SNIP1: variants seen among roughly 807,000 people sequenced by gnomAD.
The protein encoded by SNIP1 is Smad nuclear interacting protein 1.
A neutral mutation model predicts 37.4 loss-of-function variants in SNIP1; 23 were observed. The observed-to-expected ratio is 0.61, with a 90% CI of 0.44 to 0.87. SNIP1 has a LOEUF of 0.87. Among genes scored for constraint, SNIP1 ranks in the 40% least tolerant of loss-of-function variants. The probability of loss-of-function intolerance (pLI) is 0.00; values close to 1 mark genes in which losing one functional copy is unlikely to be tolerated. For missense variants in SNIP1, 459 were observed against 540.4 expected, an observed-to-expected ratio of 0.85 and a Z score of 1.49; for synonymous variants, 174 against 200.0, an observed-to-expected ratio of 0.87 and a Z score of 1.10.
chr1:37,543,261 A>G (rs1643194050), intron 2 of SNIP1, among the ~76,000 whole-genome samples: 1 of 152,220 alleles, frequency 6.6e-6, no homozygotes, highest in Non-Finnish European at 1.5e-5. Flanking sequence ...ATAAACTAGC[A>G]TAGCCTATTT....
chr1:37,540,589 C>A lies in SNIP1; in HGVS notation c.494G>T (p.Arg165Leu). 6.2e-7 allele frequency: 1 copy of A among 1,614,090 alleles called. No homozygotes were observed. Among genetic ancestry groups the A allele is most frequent in the Non-Finnish European group, 8.5e-7 (1 of 1,180,012 alleles). ...CTGCAGGTTCTGAGTGTCTCGATCC[C>A]GTCCCTGACCCTGCCCACTCCCAGG... ...ERPGSGQGQG[R>L]DRDTQNLQAQ... Residue 165 changes from arginine to leucine, a missense_variant, in exon 3 of 4, where the codon CGG (arginine) becomes CTG (leucine). Arg to Leu is a moderately radical substitution (Grantham distance 102). Coordinates refer to ENST00000296215, the MANE Select transcript of SNIP1 (RefSeq NM_024700.4). The surrounding 1 kb of genome is among the most constrained non-coding windows in gnomAD (Gnocchi z 5.6).
chr1:37,537,346 C>T lies in SNIP1; in HGVS notation c.*402G>A. On this transcript the variant is annotated 3_prime_UTR_variant, in exon 4 of 4. Transcript: ENST00000296215. ...CGCCCCAAAAGAAAAACACCTGGTC[C>T]ACAAAGCTTAACACCTATATAAATA... 6.2e-6 allele frequency: 1 copy of T among 162,468 alleles called. No individual in the cohort carries two copies. The highest frequency in any genetic ancestry group is 1.3e-5 in the Non-Finnish European group (1 of 74,422). 10.1% of individuals were successfully genotyped at this position (162,468 alleles called of 1,614,324 possible).
chr1:37,543,221 T>G (rs1643193769), intron 2 of SNIP1, among the ~76,000 whole-genome samples: 1 of 151,664 alleles, frequency 6.6e-6, no homozygotes. Flanking sequence ...ACAGGAAAAA[T>G]GGGTATTTTC....
In SNIP1 at chr1:37,540,583, C is replaced by T. The variant is rs760872087; in HGVS notation, c.500G>A (p.Arg167Gln). 12 of 1,613,970 alleles carry T rather than the reference C, an allele frequency of 7.4e-6. No homozygotes were observed. Among genetic ancestry groups the T allele is most frequent in the East Asian group, 6.7e-5 (3 of 44,894 alleles). ...CTGAGCCTGCAGGTTCTGAGTGTCT[C>T]GATCCCGTCCCTGACCCTGCCCACT... ...PGSGQGQGRD[R>Q]DTQNLQAQEE... The change falls in exon 3 of 4, where the codon CGA becomes CAA. Residue 167 changes from arginine to glutamine, a missense_variant. By Grantham distance (43) the Arg-to-Gln change is conservative. Coordinates refer to ENST00000296215, the MANE Select transcript of SNIP1 (RefSeq NM_024700.4). This position sits in a 1 kb window ranked among gnomAD's most constrained non-coding sequence, Gnocchi z 5.6.
chr1:37,552,779 G>C (rs756354627), intron 1 of SNIP1, 32 bp from the exon 2 acceptor site: 2 of 1,561,128 alleles, frequency 1.3e-6, no homozygotes, highest in Non-Finnish European at 1.8e-6. Flanking sequence ...GGATTTTATC[G>C]CAATTTCCCT....
At chr1:37,541,499 C>G (rs1643174061) in intron 2 of SNIP1, 1 of 152,012 alleles carries the variant, frequency 6.6e-6, no homozygotes, top group South Asian at 2.1e-4. Context: ...CCTGTCTCTA[C>G]TAAAAATACA....
At chr1:37,550,656 G>A (rs1342740178) in intron 2 of SNIP1, among the ~76,000 whole-genome samples, 61 of 151,830 alleles carry the variant, frequency 4.0e-4, no homozygotes, top group Non-Finnish European at 2.4e-4. Context: ...GCAATGAGCT[G>A]AGATCGCGCC....
chr1:37,554,006 C>A lies in SNIP1; in HGVS notation c.224G>T (p.Arg75Leu). 6.4e-7 allele frequency: 1 copy of A among 1,560,468 alleles called. No individual in the cohort carries two copies. Among genetic ancestry groups the A allele is most frequent in the Non-Finnish European group, 8.7e-7 (1 of 1,152,760 alleles). Residue 75 changes from arginine to leucine, a missense_variant and splice_region_variant, in exon 1 of 4, where the codon CGG becomes CTG. Physicochemically the swap from Arg to Leu is moderately radical, Grantham distance 102 (BLOSUM62 -2). Transcript: ENST00000296215. ...CATCCTGGACTGCTCCCCCACTTAC[C>A]GGCTAACTCCTCGGGCTCGGTTCCC... ...HRGNRARGVS[R>L]SPPKKKNKAS...
chr1:37,538,772 G>A (rs1367972190), intron 3 of SNIP1, among the ~76,000 whole-genome samples: 1 of 152,034 alleles, frequency 6.6e-6, no homozygotes, highest in Non-Finnish European at 1.5e-5. Flanking sequence ...ACTATGGCAG[G>A]GGTCCCCAGC....
Position 37,540,631 on chromosome 1 carries a change from C to T in SNIP1, c.452G>A (p.Arg151Lys). ...DRHRGHSHQR[R>K]TSNERPGSGQ... ...ACTCCCAGGCCTCTCGTTAGACGTT[C>T]TCCTTTGGTGGGAATGGCCCCGGTG... The change falls in exon 3 of 4, where the codon AGA becomes AAA. Residue 151 changes from arginine (R) to lysine (K), a missense_variant. Transcript: ENST00000296215. The surrounding 1 kb of genome is among the most constrained non-coding windows in gnomAD (Gnocchi z 5.6). 2.5e-6 allele frequency: 4 copies of T among 1,614,174 alleles called. No individual in the cohort carries two copies. The highest frequency in any genetic ancestry group is 3.4e-6 in the Non-Finnish European group (4 of 1,180,040).
rs754296336 is a variant in SNIP1, at chr1:37,537,766, TTCCTCC to T, written c.1167_1172del (p.Glu391_Glu392del). On this transcript the variant is annotated inframe_deletion, in exon 4 of 4. Transcript: ENST00000296215. The stretch of plus-strand genomic sequence containing the variant: ...TAGTTTGCTAGCTGTCAGACACTTC[TTCCTCC>T]TCCTCCTCATCCTCGTCATCTTTCC... The T allele has an allele frequency of 6.2e-7, 1 of 1,613,572 alleles. No homozygotes were observed. Among genetic ancestry groups the T allele is most frequent in the Non-Finnish European group, 8.5e-7 (1 of 1,179,740 alleles).
chr1:37,539,414 A>G (rs894517614), intron 3 of SNIP1, among the ~76,000 whole-genome samples: 4 of 152,132 alleles, frequency 2.6e-5, no homozygotes, highest in Non-Finnish European at 5.9e-5. Flanking sequence ...ATGTTAAAAA[A>G]CAAACAAACA....
intron 2 of SNIP1, chr1:37,545,006 T>C: frequency 1.3e-6 from 1 of 763,744 alleles, no homozygotes; most frequent in Non-Finnish European, 2.4e-6. Flanking sequence ...CCTTCGGGAC[T>C]TCAAGAAACC....
At position 37,534,800 on chromosome 1, in the gene SNIP1, T is replaced by C. The variant is rs1310766104; in HGVS notation, c.*2948A>G. ...GAATCATGGACCCCCACAGAGGACTTAGGGGAGGGGCTCAGAAGCAAAGGG... is the reference window on the plus strand; with the variant it reads ...GAATCATGGACCCCCACAGAGGACTCAGGGGAGGGGCTCAGAAGCAAAGGG... On this transcript the variant is annotated 3_prime_UTR_variant, in exon 4 of 4. Coordinates refer to ENST00000296215, the MANE Select transcript of SNIP1 (RefSeq NM_024700.4). 1 of 152,126 alleles carries C rather than the reference T, an allele frequency of 6.6e-6. No homozygotes were observed. The highest frequency in any genetic ancestry group is 1.5e-5 in the Non-Finnish European group (1 of 68,018). 9.4% of individuals were successfully genotyped at this position (152,126 alleles called of 1,614,324 possible).
intron 2 of SNIP1, among the ~76,000 whole-genome samples, chr1:37,544,173 G>A (rs1457726418): frequency 7.3e-5 from 11 of 150,366 alleles, no homozygotes; most frequent in Non-Finnish European, 1.5e-4. Flanking sequence ...GAGGCCGGGC[G>A]AAGTGGCTCA....
At chr1:37,553,962 A>T in intron 1 of SNIP1, 44 bp downstream of exon 1, 1 of 1,542,832 alleles carries the variant, frequency 6.5e-7, no homozygotes, top group East Asian at 2.4e-5. Context: ...GCCTTTCTGA[A>T]TGAGCCCAAC....
At chr1:37,548,458 C>T (rs1019749858) in intron 2 of SNIP1, among the ~76,000 whole-genome samples, 24 of 151,300 alleles carry the variant, frequency 1.6e-4, no homozygotes, top group East Asian at 1.2e-3. Context: ...TGGGATTACA[C>T]GCGCCCACCA....
chr1:37,541,001 TA>T, intron 2 of SNIP1: 1 of 404,604 alleles, frequency 2.5e-6, no homozygotes, highest in Non-Finnish European at 4.4e-6. Flanking sequence ...TCCACAGCCC[TA>T]AAAACAAGAG....
At chr1:37,539,704 G>A (rs116377379) in intron 3 of SNIP1, among the ~76,000 whole-genome samples, 402 of 152,238 alleles carry the variant, frequency 2.6e-3, no homozygotes, top group African/African-American at 9.0e-3. Context: ...ACGAGACTCC[G>A]TCTCAAAAAA....
Sources: gnomAD v4.1 joint callset for allele counts (sites outside exome capture counted in the v4.1 genomes callset) on GRCh38, gnomAD v4.1.1 for gene constraint, Gnocchi (gnomAD v3.1) non-coding constraint, MANE v1.5 for transcripts, NCBI Gene and HGNC (gene_info 2026-07-23, HGNC 2026-07-21) for gene names.